The following CELF2 variants were observed in gnomAD, a reference collection of about 807,000 sequenced individuals.
CELF2 encodes the protein CUGBP Elav-like family member 2, also known as CUG triplet repeat RNA-binding protein 2.
CELF2 carries 8 observed loss-of-function variants against 62.6 expected under a neutral mutation model. The ratio of observed to expected loss-of-function variants is 0.13; its 90% confidence interval spans 0.07 to 0.23. CELF2 has a LOEUF of 0.23. Ranked by LOEUF, CELF2 falls within the 10% of genes least tolerant of loss-of-function variation. The probability of loss-of-function intolerance (pLI) is 1.00; values close to 1 mark genes in which losing one functional copy is unlikely to be tolerated. For missense variants in CELF2, 333 were observed against 671.0 expected, an observed-to-expected ratio of 0.50 and a Z score of 5.56; for synonymous variants, 258 against 250.0, an observed-to-expected ratio of 1.03 and a Z score of -0.30.
At chr10:10,538,158 A>G in the CELF2 span, among the ~76,000 whole-genome samples, 10 of 152,140 alleles carry the variant, frequency 6.6e-5, no homozygotes, top group Non-Finnish European at 1.3e-4. Context: ...GTGCCCTGAC[A>G]AAGGCCATGT....
chr10:10,709,531 A>G, the CELF2 span, among the ~76,000 whole-genome samples: 4 of 152,230 alleles, frequency 2.6e-5, no homozygotes, highest in Non-Finnish European at 4.4e-5. Context: ...ATTAGGGACT[A>G]GGAAGTAAAC....
At chr10:11,018,662 C>G (rs1270598983) in intron 1 of CELF2, 1 of 145,098 alleles carries the variant, frequency 6.9e-6, no homozygotes, top group Non-Finnish European at 1.5e-5. Context: ...CGGGTGAGGA[C>G]TGAGCGGAGC....
chr10:11,075,691 C>A lies in CELF2; in HGVS notation c.74+57528C>A, dbSNP rs1470162994. Among the ~76,000 whole-genome samples the A allele has an allele frequency of 2.6e-5, 4 of 152,002 alleles. No individual in the cohort carries two copies. The East Asian group carries it at 7.7e-4, about 29-fold the overall frequency. On this transcript the variant is annotated intron_variant, in intron 1 of 12. Transcript: ENST00000633077. The surrounding 1 kb of genome is among the most constrained non-coding windows in gnomAD (Gnocchi z 5.4). Reference sequence around the variant, plus strand: ...GGCGGATAAAGTGTTTGCAGCCAAGCAGGTGACATTGAGAATGAAATGGGG... The same window carrying A: ...GGCGGATAAAGTGTTTGCAGCCAAGAAGGTGACATTGAGAATGAAATGGGG...
At chr10:10,886,796 A>T (rs2061781136) in intron 1 of CELF2, among the ~76,000 whole-genome samples, 1 of 152,250 alleles carries the variant, frequency 6.6e-6, no homozygotes, top group South Asian at 2.1e-4. Flanking sequence ...TGATCACACC[A>T]CTGCACTCCA....
At position 11,306,248 on chromosome 10, in the gene CELF2, T is replaced by C. The variant is rs2094199305; in HGVS notation, c.977-7891T>C. Among the ~76,000 whole-genome samples, 1 of 151,864 alleles carries C rather than the reference T, an allele frequency of 6.6e-6. No individual in the cohort carries two copies. Among genetic ancestry groups the C allele is most frequent in the African/African-American group, 2.4e-5 (1 of 41,334 alleles). On this transcript the variant is annotated intron_variant, in intron 9 of 12. Coordinates refer to ENST00000633077, the MANE Select transcript of CELF2 (RefSeq NM_001326342.2). The surrounding 1 kb of genome is among the most constrained non-coding windows in gnomAD (Gnocchi z 4.4). The stretch of plus-strand genomic sequence containing the variant: ...TGTTCTGGGAGATTATGAACCAACA[T>C]TTATAGACCGCACCTCTCCTGAGAT...
Position 11,316,249 on chromosome 10 carries a change from C to T in CELF2, c.1096+1991C>T, listed in dbSNP as rs2094968737. 6.6e-6 allele frequency among the ~76,000 whole-genome samples: 1 copy of T among 152,122 alleles called. No individual in the cohort carries two copies. Among genetic ancestry groups the T allele is most frequent in the African/African-American group, 2.4e-5 (1 of 41,426 alleles). ...ATAAGTCTGTATAGTTCATAGAAAACGAAGAAAGAATGTTTGTCATTTCAA... is the reference window on the plus strand; with the variant it reads ...ATAAGTCTGTATAGTTCATAGAAAATGAAGAAAGAATGTTTGTCATTTCAA... On this transcript the variant is annotated intron_variant, in intron 10 of 12. Coordinates refer to ENST00000633077, the MANE Select transcript of CELF2 (RefSeq NM_001326342.2). This position sits in a 1 kb window ranked among gnomAD's most constrained non-coding sequence, Gnocchi z 4.4.
intron 1 of CELF2, among the ~76,000 whole-genome samples, chr10:11,099,588 G>A (rs2050880954): frequency 6.6e-6 from 1 of 152,156 alleles, no homozygotes; most frequent in Non-Finnish European, 1.5e-5. Flanking sequence ...CACTTCTGAT[G>A]AGTTGTGGCA....
rs1361332148 is a variant in CELF2 at position 11,315,542 on chromosome 10, A to G, written c.1096+1284A>G. On this transcript the variant is annotated intron_variant, in intron 10 of 12. Coordinates refer to ENST00000633077, the MANE Select transcript of CELF2 (RefSeq NM_001326342.2). The surrounding 1 kb of genome is among the most constrained non-coding windows in gnomAD (Gnocchi z 5.8). Reference sequence around the variant, plus strand: ...TTAACTTGTATAATCCTGATAAATCATTTTCAGAATTAGGACATTTTTCAG... The same window carrying G: ...TTAACTTGTATAATCCTGATAAATCGTTTTCAGAATTAGGACATTTTTCAG... Among the ~76,000 whole-genome samples the G allele has an allele frequency of 2.0e-5, 3 of 152,314 alleles. No homozygotes were observed. The highest frequency in any genetic ancestry group is 7.2e-5 in the African/African-American group (3 of 41,562).
chr10:10,894,817 C>T (rs893633424), intron 1 of CELF2, among the ~76,000 whole-genome samples: 14 of 152,094 alleles, frequency 9.2e-5, no homozygotes, highest in Admixed American at 6.5e-4. Context: ...ATGGGCACAC[C>T]GGAAATCTAC....
intron 6 of CELF2, among the ~76,000 whole-genome samples, 165 bp downstream of exon 6, chr10:11,266,842 TC>T (rs2082291354): frequency 6.6e-6 from 1 of 152,178 alleles, no homozygotes; most frequent in African/African-American, 2.4e-5. Flanking sequence ...TCTCTCTCTC[TC>T]TTTCTCTATG....
intron 1 of CELF2, among the ~76,000 whole-genome samples, chr10:10,889,694 T>G (rs2061999491): frequency 6.6e-6 from 1 of 152,218 alleles, no homozygotes; most frequent in Admixed American, 6.5e-5. Context: ...AAGAACTTAG[T>G]TCTGCCACCT....
chr10:11,302,517 C>T lies in CELF2; in HGVS notation c.977-11622C>T, dbSNP rs993455989. Reference sequence around the variant, plus strand: ...TGCCCCCAAAGGACAGGATTGGGCCCGCCTCCCCCAGACAAGAACTCTGAC... The same window carrying T: ...TGCCCCCAAAGGACAGGATTGGGCCTGCCTCCCCCAGACAAGAACTCTGAC... On this transcript the variant is annotated intron_variant, in intron 9 of 12. Coordinates refer to ENST00000633077, the MANE Select transcript of CELF2 (RefSeq NM_001326342.2). This position sits in a 1 kb window ranked among gnomAD's most constrained non-coding sequence, Gnocchi z 5.0. Among the ~76,000 whole-genome samples, 1 of 152,242 alleles carries T rather than the reference C, an allele frequency of 6.6e-6. No individual in the cohort carries two copies. Among genetic ancestry groups the T allele is most frequent in the South Asian group, 2.1e-4 (1 of 4,818 alleles).
At chr10:11,205,437 A>G (rs376540392) in intron 2 of CELF2, among the ~76,000 whole-genome samples, 3 of 152,394 alleles carry the variant, frequency 2.0e-5, no homozygotes, top group South Asian at 4.1e-4. Context: ...ATAGCTGCTA[A>G]CATTTACTAA....
the CELF2 span, among the ~76,000 whole-genome samples, chr10:10,777,612 G>C: frequency 6.6e-6 from 1 of 152,088 alleles, no homozygotes; most frequent in Non-Finnish European, 1.5e-5. Flanking sequence ...TGGTCAACTT[G>C]TCTCCCCACC....
intron 2 of CELF2, among the ~76,000 whole-genome samples, chr10:11,205,011 C>T (rs1418595501): frequency 6.6e-6 from 1 of 152,096 alleles, no homozygotes; most frequent in Non-Finnish European, 1.5e-5. Context: ...TATCATAGAG[C>T]ATACAGTTGG....
chr10:11,100,022 G>A (rs191445604), intron 1 of CELF2, among the ~76,000 whole-genome samples: 61 of 151,780 alleles, frequency 4.0e-4, no homozygotes, highest in Admixed American at 1.0e-3. Context: ...CCAACATGGC[G>A]AAACCCCGTC....
At chr10:11,142,276 C>T (rs529053107) in intron 1 of CELF2, among the ~76,000 whole-genome samples, 4 of 152,240 alleles carry the variant, frequency 2.6e-5, no homozygotes, top group East Asian at 1.9e-4. Context: ...CAGAGGCAGA[C>T]AACAGGGTGG....
chr10:10,645,558 G>A, the CELF2 span, among the ~76,000 whole-genome samples: 1 of 152,180 alleles, frequency 6.6e-6, no homozygotes, highest in Non-Finnish European at 1.5e-5. Context: ...GGAGGCTGAG[G>A]CAGGAAAATC....
rs895033978 is a variant in CELF2, at chr10:11,247,461, G to A, written c.355-1692G>A. 6.6e-6 allele frequency among the ~76,000 whole-genome samples: 1 copy of A among 152,186 alleles called. No homozygotes were observed. Among genetic ancestry groups the A allele is most frequent in the Admixed American group, 6.5e-5 (1 of 15,284 alleles). The stretch of plus-strand genomic sequence containing the variant: ...CAGCCTTGGCTTTCCTCGCCAGGCA[G>A]GATTAAGTCCCACACCCCTGGACCC... On this transcript the variant is annotated intron_variant, in intron 3 of 12. Transcript: ENST00000633077. The surrounding 1 kb of genome is among the most constrained non-coding windows in gnomAD (Gnocchi z 5.4).
Sources: gnomAD v4.1 joint callset for allele counts (sites outside exome capture counted in the v4.1 genomes callset) on GRCh38, gnomAD v4.1.1 for gene constraint, Gnocchi (gnomAD v3.1) non-coding constraint, MANE v1.5 for transcripts, NCBI Gene and HGNC (gene_info 2026-07-23, HGNC 2026-07-21) for gene names.